SHISA9: variants seen among roughly 807,000 people sequenced by gnomAD.
SHISA9 encodes protein shisa-9.
Under a neutral mutation model 38.0 loss-of-function variants are expected in SHISA9, and 13 were observed. That is an observed-to-expected ratio of 0.34 (90% CI 0.22 to 0.54). The LOEUF (loss-of-function observed/expected upper bound fraction) is 0.54. SHISA9 is among the 20% of genes least tolerant of loss of function. The probability of loss-of-function intolerance (pLI) is 0.91; values close to 1 mark genes in which losing one functional copy is unlikely to be tolerated. For synonymous variants in SHISA9, 275 were observed against 242.0 expected (o/e 1.14, Z -1.27); for missense variants, 538 against 575.8 (o/e 0.93, Z 0.67).
intron 2 of SHISA9, among the ~76,000 whole-genome samples, chr16:12,993,520 C>G (rs560479230): frequency 2.6e-4 from 39 of 152,140 alleles, no homozygotes; most frequent in Non-Finnish European, 4.4e-4. Flanking sequence ...TAAAAAGCCC[C>G]TAGGTGCCCA....
chr16:13,410,359 C>T, the SHISA9 span, among the ~76,000 whole-genome samples: 3 of 152,150 alleles, frequency 2.0e-5, no homozygotes, highest in Admixed American at 6.5e-5. Flanking sequence ...GCCCTAAAAT[C>T]GGCGTGTTAT....
chr16:13,411,227 T>G, the SHISA9 span, among the ~76,000 whole-genome samples: 4 of 152,168 alleles, frequency 2.6e-5, no homozygotes, highest in African/African-American at 9.7e-5. Flanking sequence ...CTTTGAAAGC[T>G]AGACAGCACT....
chr16:13,063,784 G>A (rs1157291535), intron 2 of SHISA9, among the ~76,000 whole-genome samples: 1 of 152,196 alleles, frequency 6.6e-6, no homozygotes. Flanking sequence ...GCCAGGAGAC[G>A]ATATGGGGAG....
chr16:13,113,995 C>T lies in SHISA9; in HGVS notation c.692-89399C>T, dbSNP rs147726155. On this transcript the variant is annotated intron_variant, in intron 2 of 4. Transcript: ENST00000558583. ...ACATGCTGTAAACCTGGAATTGTGC[C>T]TGGAAAAATTCCGGAGAATTTTGTT... is the stretch of plus-strand genomic sequence containing the variant. 3.5e-3 allele frequency among the ~76,000 whole-genome samples: 529 copies of T among 152,140 alleles called. 2 individuals carry two copies. The highest frequency in any genetic ancestry group is 0.012 in the African/African-American group (510 of 41,484).
chr16:13,245,470 G>A, the SHISA9 span, among the ~76,000 whole-genome samples: 1 of 152,080 alleles, frequency 6.6e-6, no homozygotes, highest in African/African-American at 2.4e-5. Context: ...TGGCTGTTAT[G>A]AGAGATAAAA....
At chr16:13,414,130 A>C in the SHISA9 span, among the ~76,000 whole-genome samples, 1 of 152,360 alleles carries the variant, frequency 6.6e-6, no homozygotes, top group Admixed American at 6.5e-5. Context: ...CTTGGCCAAC[A>C]AATGAGATGG....
intron 4 of SHISA9, among the ~76,000 whole-genome samples, chr16:13,233,764 A>T (rs1349904084): frequency 1.3e-5 from 2 of 152,238 alleles, no homozygotes; most frequent in Non-Finnish European, 1.5e-5. Flanking sequence ...AATCCCAAGC[A>T]CTTTGGGAGG....
chr16:13,451,601 G>A, the SHISA9 span, among the ~76,000 whole-genome samples: 3 of 152,262 alleles, frequency 2.0e-5, no homozygotes, highest in Admixed American at 1.3e-4. Flanking sequence ...GAAGAGCAAG[G>A]AGCCAACCAC....
the SHISA9 span, among the ~76,000 whole-genome samples, chr16:13,411,611 C>T: frequency 6.6e-6 from 1 of 152,220 alleles, no homozygotes; most frequent in Non-Finnish European, 1.5e-5. Context: ...CTGTTGTTTT[C>T]ATTTTCATCG....
chr16:13,423,666 A>G, the SHISA9 span, among the ~76,000 whole-genome samples: 2,670 of 152,298 alleles, frequency 0.018, 87 homozygotes, highest in African/African-American at 0.061. Flanking sequence ...TGTGCATGGC[A>G]TCCCTGGGTG....
chr16:13,309,673 A>G, the SHISA9 span, among the ~76,000 whole-genome samples: 1 of 151,228 alleles, frequency 6.6e-6, no homozygotes, highest in Admixed American at 6.6e-5. Flanking sequence ...AAAGTTGGAG[A>G]AAAAATAGTT....
intron 4 of SHISA9, among the ~76,000 whole-genome samples, chr16:13,232,708 G>T (rs922915048): frequency 6.6e-6 from 1 of 152,206 alleles, no homozygotes; most frequent in African/African-American, 2.4e-5. Flanking sequence ...TGAGTGGGGA[G>T]CTTCAAGGCT....
chr16:13,104,868 A>AT (rs1449688797), intron 2 of SHISA9, among the ~76,000 whole-genome samples: 1 of 152,156 alleles, frequency 6.6e-6, no homozygotes, highest in East Asian at 1.9e-4. Context: ...AAAACTTTTT[A>AT]TTTTTTAAAA....
chr16:13,285,360 C>T, the SHISA9 span, among the ~76,000 whole-genome samples: 9 of 150,936 alleles, frequency 6.0e-5, no homozygotes, highest in Non-Finnish European at 7.4e-5. Flanking sequence ...TTAAATTGAA[C>T]GATGTTGGCA....
At chr16:12,970,951 G>C (rs1173495992) in intron 2 of SHISA9, among the ~76,000 whole-genome samples, 1 of 152,126 alleles carries the variant, frequency 6.6e-6, no homozygotes, top group Non-Finnish European at 1.5e-5. Context: ...GGAGGCACTC[G>C]CAAAGTATTT....
At chr16:13,455,850 T>A in the SHISA9 span, among the ~76,000 whole-genome samples, 1 of 152,162 alleles carries the variant, frequency 6.6e-6, no homozygotes, top group Non-Finnish European at 1.5e-5. Context: ...GATATGGAGC[T>A]AGCCACTCTG....
chr16:13,456,641 A>T, the SHISA9 span, among the ~76,000 whole-genome samples: 1 of 152,150 alleles, frequency 6.6e-6, no homozygotes, highest in African/African-American at 2.4e-5. Flanking sequence ...TGGCCACTGG[A>T]CAGTTTAACA....
intron 3 of SHISA9, among the ~76,000 whole-genome samples, chr16:13,209,771 T>C (rs2051100014): frequency 6.6e-6 from 1 of 152,224 alleles, no homozygotes; most frequent in Non-Finnish European, 1.5e-5. Flanking sequence ...CTTGTGATTC[T>C]TCACAGGCCA....
chr16:13,338,134 A>G, the SHISA9 span, among the ~76,000 whole-genome samples: 1 of 152,166 alleles, frequency 6.6e-6, no homozygotes, highest in Admixed American at 6.5e-5. Context: ...TGTCAGTCTA[A>G]GGAGACAGCT....
Sources: gnomAD v4.1 joint callset for allele counts (sites outside exome capture counted in the v4.1 genomes callset) on GRCh38, gnomAD v4.1.1 for gene constraint, MANE v1.5 for transcripts, NCBI Gene and HGNC (gene_info 2026-07-23, HGNC 2026-07-21) for gene names.